PTPRM: variants seen among roughly 807,000 people sequenced by gnomAD.
PTPRM encodes receptor-type tyrosine-protein phosphatase mu.
Under a neutral mutation model 186.7 loss-of-function variants are expected in PTPRM, and 47 were observed. The ratio of observed to expected loss-of-function variants is 0.25; its 90% CI spans 0.20 to 0.32. The LOEUF (loss-of-function observed/expected upper bound fraction) is 0.32, where lower values mean the gene tolerates loss of function less well. Ranked by LOEUF, PTPRM falls within the 10% of genes least tolerant of loss-of-function variation. The pLI is 1.00. For synonymous variants in PTPRM, 668 were observed against 674.9 expected, an observed-to-expected ratio of 0.99 and a Z score of 0.16; for missense variants, 1,494 against 1,865.0, an observed-to-expected ratio of 0.80 and a Z score of 3.66.
intron 1 of PTPRM, among the ~76,000 whole-genome samples, chr18:7,754,401 C>A (rs2041367976): frequency 6.6e-6 from 1 of 152,158 alleles, no homozygotes; most frequent in South Asian, 2.1e-4. Context: ...AATATGGACA[C>A]ACAGAGCAAG....
rs1387749727 is a variant in PTPRM at position 7,597,076 on chromosome 18, AAC to A, written c.73+29186_73+29187del. Reference sequence around the variant, plus strand: ...TGCCACGTTGGCTAGGCTGGAATTGAACTCCTGACCTCAAGTGATCCACCCTC... The same window carrying A: ...TGCCACGTTGGCTAGGCTGGAATTGATCCTGACCTCAAGTGATCCACCCTC... On this transcript the variant is annotated intron_variant, in intron 1 of 32. Coordinates refer to ENST00000580170, the MANE Select transcript of PTPRM (RefSeq NM_001105244.2). Among the ~76,000 whole-genome samples the A allele has an allele frequency of 7.2e-5, 11 of 152,262 alleles. No individual in the cohort carries two copies. The East Asian group carries it at 1.9e-3, about 27-fold the overall frequency.
intron 11 of PTPRM, 149 bp downstream of exon 11, chr18:8,089,000 T>C (rs2090574975): frequency 1.6e-6 from 1 of 615,608 alleles, no homozygotes; most frequent in South Asian, 2.1e-5. Context: ...AAGTAATGAC[T>C]GAGGAAAATG....
At chr18:7,581,273 A>G (rs1332672132) in intron 1 of PTPRM, among the ~76,000 whole-genome samples, 1 of 152,194 alleles carries the variant, frequency 6.6e-6, no homozygotes, top group Non-Finnish European at 1.5e-5. Context: ...CTAAGGAGTT[A>G]CAGGCTAAAT....
intron 14 of PTPRM, among the ~76,000 whole-genome samples, chr18:8,177,527 A>C (rs1173655809): frequency 2.0e-5 from 3 of 152,234 alleles, no homozygotes; most frequent in Admixed American, 6.5e-5. Flanking sequence ...ACGGAAGCTC[A>C]GCTGCTGTGA....
At chr18:7,709,432 A>G (rs143918204) in intron 1 of PTPRM, among the ~76,000 whole-genome samples, 94 of 152,292 alleles carry the variant, frequency 6.2e-4, no homozygotes, top group African/African-American at 2.2e-3. Flanking sequence ...AGTTCATAGC[A>G]TTAAATGTCT....
chr18:7,683,300 G>A (rs2039522065), intron 1 of PTPRM, among the ~76,000 whole-genome samples: 1 of 151,664 alleles, frequency 6.6e-6, no homozygotes, highest in South Asian at 2.1e-4. Flanking sequence ...CTCTCGAGTA[G>A]CTAGGACTAC....
chr18:8,065,445 A>G (rs2088987920), intron 7 of PTPRM, among the ~76,000 whole-genome samples: 1 of 152,134 alleles, frequency 6.6e-6, no homozygotes, highest in Non-Finnish European at 1.5e-5. Context: ...AGAGTCGGTA[A>G]GAGCTCACTG....
chr18:7,845,744 A>C (rs1206871716), intron 2 of PTPRM, among the ~76,000 whole-genome samples: 1 of 151,936 alleles, frequency 6.6e-6, no homozygotes, highest in Non-Finnish European at 1.5e-5. Context: ...TTCTTTCCAG[A>C]GTCTCTGTGG....
chr18:8,126,021 A>ATTTT lies in PTPRM; in HGVS notation c.2167+11195_2167+11196insTTTT, dbSNP rs1235933280. ...TATATATATATATATATATATATAT[A>ATTTT]TATATATTTTAAATCAGTAGACCTT... On this transcript the variant is annotated intron_variant, in intron 13 of 32. Transcript: ENST00000580170. Among the ~76,000 whole-genome samples the ATTTT allele has an allele frequency of 3.0e-3, 112 of 37,524 alleles. 5 individuals carry two copies. Among genetic ancestry groups the ATTTT allele is most frequent in the Non-Finnish European group, 4.2e-3 (65 of 15,364 alleles). 24.6% of individuals were successfully genotyped at this position (37,524 alleles called of 152,430 possible).
At chr18:7,825,456 CGGT>C (rs2045435422) in intron 2 of PTPRM, among the ~76,000 whole-genome samples, 1 of 151,998 alleles carries the variant, frequency 6.6e-6, no homozygotes, top group South Asian at 2.1e-4. Context: ...TCTGCTCTAA[CGGT>C]ATAATGAAGG....
At chr18:8,338,286 T>A (rs62085038) in intron 22 of PTPRM, among the ~76,000 whole-genome samples, 47,105 of 148,990 alleles carry the variant, frequency 0.32, 8,411 homozygotes, top group Middle Eastern at 0.46. Flanking sequence ...TTTAAAAATA[T>A]ATATATATAT....
intron 1 of PTPRM, among the ~76,000 whole-genome samples, chr18:7,706,717 C>T (rs1194352053): frequency 2.7e-5 from 4 of 150,682 alleles, no homozygotes; most frequent in South Asian, 2.1e-4. Flanking sequence ...ACTATCCCAG[C>T]GGAACACAAT....
intron 7 of PTPRM, among the ~76,000 whole-genome samples, chr18:8,016,811 C>T (rs886444870): frequency 6.6e-6 from 1 of 152,156 alleles, no homozygotes; most frequent in African/African-American, 2.4e-5. Flanking sequence ...TCTATCTATC[C>T]ATACCAATAA....
chr18:7,810,651 A>G lies in PTPRM; in HGVS notation c.196+36380A>G, dbSNP rs2044464443. On this transcript the variant is annotated intron_variant, in intron 2 of 32. Coordinates refer to ENST00000580170, the MANE Select transcript of PTPRM (RefSeq NM_001105244.2). The stretch of plus-strand genomic sequence containing the variant: ...GGGGAGGAGGGACAAGGATTTAAAC[A>G]GAGATTTGAATTGCACTGTCTGTGA... Among the ~76,000 whole-genome samples the G allele has an allele frequency of 2.0e-5, 3 of 152,248 alleles. 1 individual carries two copies. The South Asian group carries it at 6.2e-4, about 32-fold the overall frequency.
intron 13 of PTPRM, among the ~76,000 whole-genome samples, chr18:8,134,497 C>T (rs988783745): frequency 6.6e-6 from 1 of 152,122 alleles, no homozygotes; most frequent in African/African-American, 2.4e-5. Flanking sequence ...TTTTTTACCT[C>T]GTTGATCATT....
chr18:7,790,627 T>G (rs968329390), intron 2 of PTPRM, among the ~76,000 whole-genome samples: 1 of 152,218 alleles, frequency 6.6e-6, no homozygotes, highest in Non-Finnish European at 1.5e-5. Context: ...AAAGAGGAGA[T>G]CTCTCTAAGA....
chr18:8,285,152 T>C (rs956043541), intron 19 of PTPRM, among the ~76,000 whole-genome samples: 1 of 152,244 alleles, frequency 6.6e-6, no homozygotes, highest in African/African-American at 2.4e-5. Flanking sequence ...AGTGGCACTT[T>C]ATATATGCAA....
intron 2 of PTPRM, among the ~76,000 whole-genome samples, chr18:7,819,772 C>T (rs1370399532): frequency 6.6e-6 from 1 of 152,200 alleles, no homozygotes; most frequent in Non-Finnish European, 1.5e-5. Context: ...CAGAACCCCA[C>T]AGCCTGTCTG....
chr18:7,936,461 G>C (rs561731002), intron 5 of PTPRM, among the ~76,000 whole-genome samples: 1 of 152,302 alleles, frequency 6.6e-6, no homozygotes, highest in East Asian at 1.9e-4. Context: ...ACCCAGCCAG[G>C]TGTGTGTGCA....
Sources: allele counts gnomAD v4.1 joint callset (sites outside exome capture counted in the v4.1 genomes callset), GRCh38; gene constraint gnomAD v4.1.1; transcripts MANE v1.5; gene names NCBI Gene and HGNC (gene_info 2026-07-23, HGNC 2026-07-21).